The following SHISA9 variants were observed in gnomAD, a reference collection of about 807,000 sequenced individuals.
The protein encoded by SHISA9 is protein shisa-9.
SHISA9 carries 13 observed loss-of-function variants against 38.0 expected under a neutral mutation model. That is an observed-to-expected ratio of 0.34 (90% CI 0.22 to 0.54). The LOEUF is 0.54. SHISA9 is among the 20% of genes least tolerant of loss of function. SHISA9 has a pLI of 0.91. For synonymous variants in SHISA9, 275 were observed against 242.0 expected (o/e 1.14, Z -1.27); for missense variants, 538 against 575.8 (o/e 0.93, Z 0.67).
intron 2 of SHISA9, among the ~76,000 whole-genome samples, chr16:12,977,161 G>T: frequency 6.6e-6 from 1 of 152,190 alleles, no homozygotes; most frequent in East Asian, 1.9e-4. Flanking sequence ...TTGGAGACGG[G>T]CTGTGTTCCA....
the SHISA9 span, among the ~76,000 whole-genome samples, chr16:13,296,632 C>T: frequency 4.6e-5 from 7 of 151,652 alleles, no homozygotes; most frequent in Non-Finnish European, 1.0e-4. Context: ...AGATACAATA[C>T]TTGCTCATTG....
chr16:13,074,733 C>A (rs1199505084), intron 2 of SHISA9, among the ~76,000 whole-genome samples: 1 of 148,736 alleles, frequency 6.7e-6, no homozygotes, highest in Non-Finnish European at 1.5e-5. Flanking sequence ...GGTGGGATCT[C>A]AGCTCACTGC....
At chr16:13,158,476 TG>T (rs2142010501) in intron 2 of SHISA9, among the ~76,000 whole-genome samples, 1 of 152,306 alleles carries the variant, frequency 6.6e-6, no homozygotes, top group Non-Finnish European at 1.5e-5. Context: ...AAAGCTGTCC[TG>T]GGAGGACCCT....
chr16:13,015,398 C>G (rs1463995751), intron 2 of SHISA9, among the ~76,000 whole-genome samples: 1 of 152,214 alleles, frequency 6.6e-6, no homozygotes, highest in Non-Finnish European at 1.5e-5. Context: ...TGCCATTTCA[C>G]AGATGAGAAG....
At chr16:13,512,481 C>G in the SHISA9 span, among the ~76,000 whole-genome samples, 1 of 152,094 alleles carries the variant, frequency 6.6e-6, no homozygotes, top group African/African-American at 2.4e-5. Flanking sequence ...CATTGACATT[C>G]TTCACAGAAT....
At chr16:13,401,298 T>G in the SHISA9 span, among the ~76,000 whole-genome samples, 3 of 152,194 alleles carry the variant, frequency 2.0e-5, no homozygotes, top group Non-Finnish European at 4.4e-5. Flanking sequence ...GGAACTTCCC[T>G]GAAGCCACAC....
At chr16:13,259,985 T>C in the SHISA9 span, among the ~76,000 whole-genome samples, 223 of 150,426 alleles carry the variant, frequency 1.5e-3, 2 homozygotes, top group African/African-American at 5.2e-3. Context: ...CCCCAGAAAA[T>C]GGATTTTTCT....
chr16:13,372,187 C>A, the SHISA9 span, among the ~76,000 whole-genome samples: 1 of 152,170 alleles, frequency 6.6e-6, no homozygotes, highest in East Asian at 1.9e-4. Flanking sequence ...TTGCATCCCC[C>A]AATCAGACTT....
intron 2 of SHISA9, among the ~76,000 whole-genome samples, chr16:13,125,758 G>A (rs1463857880): frequency 3.3e-5 from 5 of 152,128 alleles, no homozygotes; most frequent in Admixed American, 3.3e-4. Flanking sequence ...AGACTACCTT[G>A]ACATTAAATG....
the SHISA9 span, chr16:13,258,190 G>T: frequency 1.3e-5 from 2 of 152,166 alleles, no homozygotes; most frequent in African/African-American, 4.8e-5. Context: ...ACCTTGAATA[G>T]TCAGAGTAAA....
chr16:13,458,613 G>C, the SHISA9 span: 3 of 387,280 alleles, frequency 7.7e-6, no homozygotes, highest in Non-Finnish European at 1.5e-5. Flanking sequence ...TAAGAGATTT[G>C]GATCAAAGAT....
At chr16:13,114,465 C>CAAAAA (rs58742818) in intron 2 of SHISA9, among the ~76,000 whole-genome samples, 8 of 50,926 alleles carry the variant, frequency 1.6e-4, no homozygotes, top group East Asian at 4.5e-4. Context: ...GATTCCATCT[C>CAAAAA]AAAAAAAAAA....
chr16:12,962,862 A>G (rs560621940), intron 2 of SHISA9, among the ~76,000 whole-genome samples: 20 of 152,318 alleles, frequency 1.3e-4, no homozygotes, highest in African/African-American at 4.3e-4. Flanking sequence ...GGGCCTGACC[A>G]GGGGTAGCTG....
chr16:13,061,619 T>A (rs1313994756), intron 2 of SHISA9, among the ~76,000 whole-genome samples: 1 of 152,210 alleles, frequency 6.6e-6, no homozygotes, highest in Non-Finnish European at 1.5e-5. Flanking sequence ...CAGGGTACTG[T>A]GCTGGGTGCT....
chr16:13,035,652 T>C (rs1358649735), intron 2 of SHISA9, among the ~76,000 whole-genome samples: 1 of 152,128 alleles, frequency 6.6e-6, no homozygotes, highest in Non-Finnish European at 1.5e-5. Flanking sequence ...TGTCTCAGCC[T>C]CTCAAGTAGC....
chr16:13,127,166 A>AG (rs1364883879), intron 2 of SHISA9, among the ~76,000 whole-genome samples: 37 of 104,202 alleles, frequency 3.6e-4, no homozygotes, highest in African/African-American at 1.4e-3. Context: ...GAGAGAGGGA[A>AG]GGGGGAGAGA....
At chr16:13,536,045 C>T in the SHISA9 span, among the ~76,000 whole-genome samples, 1 of 150,870 alleles carries the variant, frequency 6.6e-6, no homozygotes, top group Admixed American at 6.6e-5. Context: ...GTCACCTAGG[C>T]TGGAGTTCAA....
At chr16:13,092,061 T>A (rs1475840645) in intron 2 of SHISA9, among the ~76,000 whole-genome samples, 8 of 152,236 alleles carry the variant, frequency 5.3e-5, no homozygotes, top group Non-Finnish European at 7.3e-5. Flanking sequence ...GTCAGGTCCC[T>A]CAGCTGCAGG....
Position 13,137,519 on chromosome 16 carries a change from G to A in SHISA9, c.692-65875G>A, listed in dbSNP as rs529400625. ...TTACCAGGCTGGAGTGCAGTGGTGAGATCTCGGCTCACTGCAACGTCCGCC... is the reference window on the plus strand; with the variant it reads ...TTACCAGGCTGGAGTGCAGTGGTGAAATCTCGGCTCACTGCAACGTCCGCC... On this transcript the variant is annotated intron_variant, in intron 2 of 4. Coordinates refer to ENST00000558583, the MANE Select transcript of SHISA9 (RefSeq NM_001145204.3). Among the ~76,000 whole-genome samples, 5 of 149,656 alleles carry A rather than the reference G, an allele frequency of 3.3e-5. No individual in the cohort carries two copies. In the East Asian group the frequency reaches 9.9e-4, roughly 30 times the overall value.
Sources: allele counts gnomAD v4.1 joint callset (sites outside exome capture counted in the v4.1 genomes callset), GRCh38; gene constraint gnomAD v4.1.1; transcripts MANE v1.5; gene names NCBI Gene and HGNC (gene_info 2026-07-23, HGNC 2026-07-21).